The following ASCC3 variants were observed in gnomAD, a reference collection of about 807,000 sequenced individuals.
ASCC3 encodes the protein activating signal cointegrator 1 complex subunit 3, also known as ASC-1 complex subunit P200.
A neutral mutation model predicts 256.3 loss-of-function variants in ASCC3; 158 were observed. That is an observed-to-expected ratio of 0.62 (90% confidence interval 0.54 to 0.70). The LOEUF (loss-of-function observed/expected upper bound fraction) is 0.70, where lower values mean the gene tolerates loss of function less well. Ranked by LOEUF, ASCC3 falls within the 30% of genes least tolerant of loss-of-function variation. The probability of loss-of-function intolerance (pLI) is 0.00; values close to 1 mark genes in which losing one functional copy is unlikely to be tolerated. For synonymous variants in ASCC3, 948 were observed against 883.4 expected (o/e 1.07, Z -1.30); for missense variants, 2,259 against 2,626.0 (o/e 0.86, Z 3.05).
At chr6:100,572,312 G>A (rs2114727113) in intron 36 of ASCC3, among the ~76,000 whole-genome samples, 1 of 152,252 alleles carries the variant, frequency 6.6e-6, no homozygotes, top group South Asian at 2.1e-4. Context: ...TTTGCACCAG[G>A]AGAAAGGCCC....
chr6:100,773,658 A>G (rs1254387191), intron 8 of ASCC3, among the ~76,000 whole-genome samples: 1 of 152,130 alleles, frequency 6.6e-6, no homozygotes, highest in Admixed American at 6.5e-5. Flanking sequence ...TGTATTTCTG[A>G]CCCATTAGAT....
chr6:100,861,182 T>C (rs1482226203), intron 3 of ASCC3, among the ~76,000 whole-genome samples: 3 of 152,128 alleles, frequency 2.0e-5, no homozygotes, highest in Non-Finnish European at 2.9e-5. Flanking sequence ...CTAGGATTTC[T>C]ACCATACTTC....
intron 36 of ASCC3, among the ~76,000 whole-genome samples, chr6:100,550,269 T>C (rs1259179028): frequency 6.6e-6 from 1 of 151,888 alleles, no homozygotes; most frequent in African/African-American, 2.4e-5. Context: ...ATTTTAGTAC[T>C]GCAACCTGCA....
At position 100,696,533 on chromosome 6, in the gene ASCC3, A is replaced by G. The variant is rs1416165014; in HGVS notation, c.2152-16781T>C. ...GCTTAAGTCCAAATATCAGGTGGAA[A>G]GAAGCTAATAAGGAGATTCAATACA... On this transcript the variant is annotated intron_variant, in intron 13 of 41. Transcript: ENST00000369162. Among the ~76,000 whole-genome samples the G allele has an allele frequency of 5.3e-5, 8 of 152,024 alleles. No homozygotes were observed. In the East Asian group the frequency reaches 1.3e-3, roughly 26 times the overall value.
rs1394074399 is a variant in ASCC3, at chr6:100,848,347, T to C, written c.602A>G (p.Asn201Ser). Residue 201 changes from asparagine (N) to serine (S), a missense_variant, in exon 4 of 42, where the codon AAT (asparagine) becomes AGT (serine). Asn to Ser is a conservative substitution (Grantham distance 46). This residue lies in a region of ASCC3 where 420 missense variants were observed against 419.3 expected (regional missense o/e 1.00). Transcript: ENST00000369162. ...GGTGCAAGCCTCCTGGAGATGTTCA[T>C]TCAGAAACTTCTTATAATCTAGGCT... is the stretch of plus-strand genomic sequence containing the variant. ...TISLDYKKFL[N>S]EHLQEACTPE... 6.2e-7 allele frequency: 1 copy of C among 1,614,108 alleles called. No homozygotes were observed.
Position 100,550,997 on chromosome 6 carries a change from A to C in ASCC3, c.5551-10610T>G, listed in dbSNP as rs148910557. Among the ~76,000 whole-genome samples, 971 of 152,090 alleles carry C rather than the reference A, an allele frequency of 6.4e-3. 13 individuals carry two copies. The highest frequency in any genetic ancestry group is 0.022 in the African/African-American group (915 of 41,532). On this transcript the variant is annotated intron_variant, in intron 36 of 41. Transcript: ENST00000369162. ...TAATCTAAGTTTAATAAGTTTAATA[A>C]AAATGCCTTATGTAGTTATCCAGAC... is the stretch of plus-strand genomic sequence containing the variant.
At position 100,574,277 on chromosome 6, in the gene ASCC3, C is replaced by T. The variant is rs147139762; in HGVS notation, c.5550+15357G>A. 5.5e-4 allele frequency among the ~76,000 whole-genome samples: 84 copies of T among 152,064 alleles called. No individual in the cohort carries two copies. In the East Asian group the frequency reaches 0.011, roughly 20 times the overall value. ...TTGGCACAGAAGTTTATGGGTGCAACCTTTTTATGTACCTTACTTTGTAAA... is the reference window on the plus strand; with the variant it reads ...TTGGCACAGAAGTTTATGGGTGCAATCTTTTTATGTACCTTACTTTGTAAA... On this transcript the variant is annotated intron_variant, in intron 36 of 41. Transcript: ENST00000369162.
intron 4 of ASCC3, among the ~76,000 whole-genome samples, chr6:100,816,609 G>C (rs1216592389): frequency 2.6e-5 from 4 of 152,124 alleles, no homozygotes; most frequent in African/African-American, 9.7e-5. Flanking sequence ...TTCTTTGCAG[G>C]AACATGGGTG....
intron 1 of ASCC3, among the ~76,000 whole-genome samples, chr6:100,875,414 T>C (rs1773951330): frequency 6.6e-6 from 1 of 152,250 alleles, no homozygotes; most frequent in Non-Finnish European, 1.5e-5. Context: ...GGATTTCCTA[T>C]CAGAGGTCTG....
intron 36 of ASCC3, among the ~76,000 whole-genome samples, chr6:100,551,216 T>C (rs191353854): frequency 1.0e-3 from 156 of 152,094 alleles, no homozygotes; most frequent in Non-Finnish European, 1.8e-3. Context: ...GCATATATTA[T>C]GGACAGGTAT....
At chr6:100,565,860 T>A (rs1191946523) in intron 36 of ASCC3, among the ~76,000 whole-genome samples, 1 of 152,176 alleles carries the variant, frequency 6.6e-6, no homozygotes, top group African/African-American at 2.4e-5. Flanking sequence ...TTTATTTTTT[T>A]AAATGCCTCT....
At chr6:100,866,499 T>C (rs1773485116) in intron 2 of ASCC3, among the ~76,000 whole-genome samples, 1 of 152,218 alleles carries the variant, frequency 6.6e-6, no homozygotes, top group South Asian at 2.1e-4. Context: ...ATTGGCTGCA[T>C]ATATACCCTC....
At chr6:100,608,390 ATG>A (rs369071384) in intron 30 of ASCC3, among the ~76,000 whole-genome samples, 811 of 59,996 alleles carry the variant, frequency 0.014, 16 homozygotes, top group Middle Eastern at 0.025. Context: ...TACCTTATAT[ATG>A]TATACCTTAT....
At chr6:100,787,014 A>C (rs566265955) in intron 8 of ASCC3, among the ~76,000 whole-genome samples, 1 of 152,294 alleles carries the variant, frequency 6.6e-6, no homozygotes, top group South Asian at 2.1e-4. Flanking sequence ...GTAAGATTTT[A>C]AGTGGCAGAC....
At chr6:100,674,100 A>T (rs939511101) in intron 14 of ASCC3, among the ~76,000 whole-genome samples, 8 of 152,088 alleles carry the variant, frequency 5.3e-5, no homozygotes, top group African/African-American at 1.7e-4. Context: ...TAGAATTTCA[A>T]AGTTAAAAGG....
chr6:100,827,381 T>C (rs1421522970), intron 4 of ASCC3, among the ~76,000 whole-genome samples: 2 of 152,178 alleles, frequency 1.3e-5, no homozygotes, highest in Non-Finnish European at 2.9e-5. Flanking sequence ...TTTTTCATTG[T>C]CTCCATAGTT....
At chr6:100,679,246 G>T (rs1777172970) in intron 14 of ASCC3, among the ~76,000 whole-genome samples, 2 of 149,146 alleles carry the variant, frequency 1.3e-5, no homozygotes, top group African/African-American at 2.5e-5. Context: ...GGTTGTATCT[G>T]TCAATATTAA....
intron 1 of ASCC3, among the ~76,000 whole-genome samples, chr6:100,880,824 A>C (rs1177912745): frequency 6.6e-6 from 1 of 152,220 alleles, no homozygotes; most frequent in East Asian, 1.9e-4. Flanking sequence ...TATGTAGCTT[A>C]GGTTAAGTTT....
intron 8 of ASCC3, among the ~76,000 whole-genome samples, chr6:100,785,745 A>G (rs7764514): frequency 0.94 from 143,128 of 152,196 alleles, 67,623 homozygotes; most frequent in South Asian, 0.99. Flanking sequence ...ACAATACTCA[A>G]TATGCCTGTA....
Sources: gnomAD v4.1 joint callset for allele counts (sites outside exome capture counted in the v4.1 genomes callset) on GRCh38, gnomAD v4.1.1 for gene constraint, gnomAD v4.1.1 regional missense constraint, MANE v1.5 for transcripts, NCBI Gene and HGNC (gene_info 2026-07-23, HGNC 2026-07-21) for gene names.